The following TBL1XR1 variants were observed in gnomAD, a reference collection of about 807,000 sequenced individuals.
The protein encoded by TBL1XR1 is TBL1X/Y related 1, also known as F-box-like/WD repeat-containing protein TBL1XR1.
In TBL1XR1, 5 loss-of-function variants were observed where a neutral mutation model predicts 66.9. That is an observed-to-expected ratio of 0.07 (90% CI 0.04 to 0.16). The LOEUF is 0.16. Ranked by LOEUF, TBL1XR1 falls within the 10% of genes least tolerant of loss-of-function variation. The pLI is 1.00. For missense variants in TBL1XR1, 238 were observed against 623.2 expected (o/e 0.38, Z 6.58); for synonymous variants, 210 against 206.0 (o/e 1.02, Z -0.17).
In TBL1XR1 at chr3:177,019,553, G is replaced by A. The variant is rs1712095762; in HGVS notation, c.*5945C>T. 2 of 152,100 alleles carry A rather than the reference G, an allele frequency of 1.3e-5. No homozygotes were observed. Among genetic ancestry groups the A allele is most frequent in the African/African-American group, 2.4e-5 (1 of 41,396 alleles). The allele number at this position is 152,100 out of a possible 1,614,324, so 9.4% of individuals were successfully genotyped here. ...AAGCACTTTGGTACAGCAGAGAAAAGCACCATAAAACTACCATCTAAAGTG... is the reference window on the plus strand; with the variant it reads ...AAGCACTTTGGTACAGCAGAGAAAAACACCATAAAACTACCATCTAAAGTG... On this transcript the variant is annotated 3_prime_UTR_variant, in exon 16 of 16. Transcript: ENST00000457928.
rs750132632 is a variant in TBL1XR1, at chr3:177,047,538, T to A, written c.714A>T (p.Thr238=). Residue 238 remains threonine (T), a synonymous_variant, in exon 8 of 16, where the codon ACA becomes ACT. Transcript: ENST00000457928. ...CATCATAGGAACCAGTTGCTAGAAGTGTACCTTCACTCTGCCAGAGAAAAA... is the reference window on the plus strand; with the variant it reads ...CATCATAGGAACCAGTTGCTAGAAGAGTACCTTCACTCTGCCAGAGAAAAA... ...VTSLDWNSEG[T]LLATGSYDGF... 4 of 1,612,882 alleles carry A rather than the reference T, an allele frequency of 2.5e-6. No homozygotes were observed. Among genetic ancestry groups the A allele is most frequent in the Admixed American group, 1.7e-5 (1 of 59,930 alleles).
At position 177,019,910 on chromosome 3, in the gene TBL1XR1, T is replaced by A. The variant is rs1712132570; in HGVS notation, c.*5588A>T. The A allele has an allele frequency of 1.3e-5, 2 of 148,248 alleles. No individual in the cohort carries two copies. Among genetic ancestry groups the A allele is most frequent in the Admixed American group, 6.7e-5 (1 of 14,836 alleles). The allele number at this position is 148,248 out of a possible 1,614,324, so 9.2% of individuals were successfully genotyped here. ...GCAGTGGCTTATTTCTAATAAAACA[T>A]AAAACTATGCTTGAATTTATTTCTG... On this transcript the variant is annotated 3_prime_UTR_variant, in exon 16 of 16. Coordinates refer to ENST00000457928, the MANE Select transcript of TBL1XR1 (RefSeq NM_024665.7).
At chr3:177,121,958 A>G (rs1035883144) in intron 1 of TBL1XR1, among the ~76,000 whole-genome samples, 16 of 152,208 alleles carry the variant, frequency 1.1e-4, no homozygotes, top group Non-Finnish European at 2.4e-4. Flanking sequence ...AAGAATCACA[A>G]TGCAAGAGCA....
intron 1 of TBL1XR1, among the ~76,000 whole-genome samples, chr3:177,193,735 T>C (rs35072945): frequency 0.45 from 67,336 of 150,192 alleles, 16,710 homozygotes; most frequent in Non-Finnish European, 0.56. Context: ...ATAAACTTGA[T>C]TAGAAACACA....
At chr3:177,158,747 T>A (rs1384900781) in intron 1 of TBL1XR1, among the ~76,000 whole-genome samples, 1 of 152,120 alleles carries the variant, frequency 6.6e-6, no homozygotes. Flanking sequence ...AGGGATTCTG[T>A]TTGAGCACCT....
At chr3:177,088,554 T>C (rs569342477) in intron 2 of TBL1XR1, among the ~76,000 whole-genome samples, 90 of 152,294 alleles carry the variant, frequency 5.9e-4, no homozygotes, top group African/African-American at 2.1e-3. Flanking sequence ...ATTAAATCCA[T>C]GTAAGAAGCC....
chr3:177,072,793 G>T (rs143839894), intron 2 of TBL1XR1, among the ~76,000 whole-genome samples: 31 of 152,376 alleles, frequency 2.0e-4, no homozygotes, highest in Non-Finnish European at 3.7e-4. Flanking sequence ...GCCAGGCGCA[G>T]TGGCTCACGC....
At chr3:177,149,968 A>AC (rs1560231069) in intron 1 of TBL1XR1, among the ~76,000 whole-genome samples, 1 of 152,228 alleles carries the variant, frequency 6.6e-6, no homozygotes, top group African/African-American at 2.4e-5. Flanking sequence ...AATAAATCTT[A>AC]AAGTGGGTAT....
chr3:177,169,044 T>G (rs1487471528), intron 1 of TBL1XR1, among the ~76,000 whole-genome samples: 1 of 152,148 alleles, frequency 6.6e-6, no homozygotes, highest in Non-Finnish European at 1.5e-5. Flanking sequence ...TGACCACATA[T>G]TTACAAAAAT....
chr3:177,175,855 G>A (rs375809817), intron 1 of TBL1XR1, among the ~76,000 whole-genome samples: 2 of 151,882 alleles, frequency 1.3e-5, no homozygotes, highest in African/African-American at 2.4e-5. Flanking sequence ...TCAGGAGATC[G>A]AGACCATCCT....
At chr3:177,051,452 A>ACAAT in intron 5 of TBL1XR1, 52 bp downstream of exon 5, 1 of 1,504,468 alleles carries the variant, frequency 6.6e-7, no homozygotes, top group East Asian at 2.4e-5. Context: ...AAAGTTTAAA[A>ACAAT]AAATAAATAA....
At chr3:177,094,101 A>C (rs62298939) in intron 2 of TBL1XR1, among the ~76,000 whole-genome samples, 9,656 of 152,272 alleles carry the variant, frequency 0.063, 408 homozygotes, top group South Asian at 0.17. Context: ...TAATATTCAC[A>C]ATCTACAAGG....
chr3:177,136,978 C>G (rs1349593583), intron 1 of TBL1XR1, among the ~76,000 whole-genome samples: 1 of 152,170 alleles, frequency 6.6e-6, no homozygotes, highest in Non-Finnish European at 1.5e-5. Flanking sequence ...AAGATGACCT[C>G]ACTCACACGT....
rs1712945728 is a variant in TBL1XR1, at chr3:177,025,251, T to C, written c.*247A>G. 1 of 407,100 alleles carries C rather than the reference T, an allele frequency of 2.5e-6. No individual in the cohort carries two copies. Among genetic ancestry groups the C allele is most frequent in the Non-Finnish European group, 4.3e-6 (1 of 230,348 alleles). 25.2% of individuals were successfully genotyped at this position (407,100 alleles called of 1,614,324 possible). A position where few individuals can be genotyped will look rare whatever the true frequency, so the allele number is the denominator to read the frequency against. On this transcript the variant is annotated 3_prime_UTR_variant, in exon 16 of 16. Coordinates refer to ENST00000457928, the MANE Select transcript of TBL1XR1 (RefSeq NM_024665.7). ...GTTTTTCATATCCAAAACTTCTAAA[T>C]GCTATTTTAGGGGCACAGCAGATTA...
Position 177,162,461 on chromosome 3 carries a change from G to A in TBL1XR1, c.-122+34660C>T, listed in dbSNP as rs1176279341. Among the ~76,000 whole-genome samples the A allele has an allele frequency of 1.3e-5, 2 of 152,148 alleles. 1 individual carries two copies. The highest frequency in any genetic ancestry group is 4.8e-5 in the African/African-American group (2 of 41,428). On this transcript the variant is annotated intron_variant, in intron 1 of 15. Coordinates refer to ENST00000457928, the MANE Select transcript of TBL1XR1 (RefSeq NM_024665.7). ...ATGTTTTAATTTTAAAAAATCATAG[G>A]CACAACTAATTTATGGTAACAGAAA... is the stretch of plus-strand genomic sequence containing the variant.
intron 1 of TBL1XR1, among the ~76,000 whole-genome samples, chr3:177,112,098 TATATA>T (rs1725686946): frequency 1.3e-4 from 7 of 53,830 alleles, no homozygotes; most frequent in African/African-American, 7.6e-4. Context: ...TATATATATA[TATATA>T]TATATTTTTT....
At chr3:177,128,653 C>T (rs1254032277) in intron 1 of TBL1XR1, among the ~76,000 whole-genome samples, 5 of 152,198 alleles carry the variant, frequency 3.3e-5, no homozygotes, top group African/African-American at 4.8e-5. Flanking sequence ...GGATTACAGG[C>T]GTGAGCCACC....
At chr3:177,170,867 A>G (rs750077200) in intron 1 of TBL1XR1, among the ~76,000 whole-genome samples, 1 of 152,002 alleles carries the variant, frequency 6.6e-6, no homozygotes. Context: ...AGCCTCCCAA[A>G]GTGCTGGGAT....
intron 3 of TBL1XR1, among the ~76,000 whole-genome samples, chr3:177,058,926 A>G (rs1043358045): frequency 4.6e-5 from 7 of 151,426 alleles, no homozygotes; most frequent in South Asian, 2.1e-4. Context: ...CTTATTTGGG[A>G]AAAAAAAAGA....
Sources: gnomAD v4.1 joint callset for allele counts (sites outside exome capture counted in the v4.1 genomes callset) on GRCh38, gnomAD v4.1.1 for gene constraint, MANE v1.5 for transcripts, NCBI Gene and HGNC (gene_info 2026-07-23, HGNC 2026-07-21) for gene names.